Variants in TAF2 observed in about 807,000 individuals in gnomAD.
TAF2 encodes transcription initiation factor TFIID subunit 2.
Under a neutral mutation model 138.5 loss-of-function variants are expected in TAF2, and 61 were observed. The observed-to-expected ratio is 0.44, with a 90% CI of 0.36 to 0.54. TAF2 has a LOEUF of 0.54. Ranked by LOEUF, TAF2 falls within the 20% of genes least tolerant of loss-of-function variation. TAF2 has a pLI of 0.00. For synonymous variants in TAF2, 475 were observed against 469.9 expected (o/e 1.01, Z -0.14); for missense variants, 1,090 against 1,427.9 (o/e 0.76, Z 3.81).
chr8:119,804,373 C>T (rs1467067568), intron 4 of TAF2, among the ~76,000 whole-genome samples: 1 of 152,212 alleles, frequency 6.6e-6, no homozygotes, highest in Non-Finnish European at 1.5e-5. Flanking sequence ...CAACCCCAAA[C>T]TTACTGATAT....
intron 22 of TAF2, among the ~76,000 whole-genome samples, chr8:119,752,951 G>C (rs185731452): frequency 6.6e-6 from 1 of 152,272 alleles, no homozygotes; most frequent in East Asian, 1.9e-4. Flanking sequence ...AAAATGAGGA[G>C]CAGGCAGGGT....
chr8:119,788,992 A>T (rs1430779032), intron 12 of TAF2, 88 bp from the exon 13 acceptor site: 2 of 889,138 alleles, frequency 2.2e-6, no homozygotes, highest in Non-Finnish European at 3.8e-6. Context: ...ATAATTTTCA[A>T]GTGCATTCCC....
intron 10 of TAF2, among the ~76,000 whole-genome samples, chr8:119,792,799 A>G (rs185701953): frequency 6.6e-6 from 1 of 152,252 alleles, no homozygotes; most frequent in Non-Finnish European, 1.5e-5. Context: ...GTGAGGACAC[A>G]TTCTTTCCCG....
chr8:119,742,168 TG>T (rs1341181604), intron 25 of TAF2, among the ~76,000 whole-genome samples: 5 of 152,218 alleles, frequency 3.3e-5, no homozygotes, highest in Admixed American at 6.5e-5. Flanking sequence ...TGGTTTCTAT[TG>T]AAGTTGGCAT....
In TAF2 at chr8:119,760,740, T is replaced by C. The variant is rs763011210; in HGVS notation, c.2559-2A>G. The C allele has an allele frequency of 2.5e-6, 4 of 1,613,774 alleles. No individual in the cohort carries two copies. Among genetic ancestry groups the C allele is most frequent in the Middle Eastern group, 1.7e-4 (1 of 6,056 alleles). On this transcript the variant is annotated splice_acceptor_variant, in intron 19 of 25. Coordinates refer to ENST00000378164, the MANE Select transcript of TAF2 (RefSeq NM_003184.4). LOFTEE classifies it high-confidence loss of function. Reference sequence around the variant, plus strand: ...AGTACCCGTATGGCTCTCAAACAACTAGGGAAAAAAATACGTATGTTAACT... The same window carrying C: ...AGTACCCGTATGGCTCTCAAACAACCAGGGAAAAAAATACGTATGTTAACT...
At chr8:119,744,442 G>T (rs760670690) in intron 23 of TAF2, 49 bp from the exon 24 acceptor site, 4 of 1,509,364 alleles carry the variant, frequency 2.7e-6, no homozygotes, top group Non-Finnish European at 3.7e-6. Flanking sequence ...ATTACATCAT[G>T]TTATGTTTGG....
intron 15 of TAF2, among the ~76,000 whole-genome samples, chr8:119,784,780 A>C (rs1173344076): frequency 6.6e-6 from 1 of 152,212 alleles, no homozygotes; most frequent in Non-Finnish European, 1.5e-5. Context: ...CTAAGGACAA[A>C]GAATCAATAT....
intron 24 of TAF2, 54 bp from the exon 25 acceptor site, chr8:119,742,710 G>T (rs1321737685): frequency 1.3e-6 from 2 of 1,562,162 alleles, no homozygotes; most frequent in Non-Finnish European, 1.7e-6. Context: ...TTTCCCAAAA[G>T]AAAAAAAAAG....
chr8:119,769,119 A>G (rs1490913220), intron 18 of TAF2, among the ~76,000 whole-genome samples: 1 of 152,228 alleles, frequency 6.6e-6, no homozygotes, highest in Non-Finnish European at 1.5e-5. Context: ...CAGTAAACAA[A>G]GATCAAGTAC....
chr8:119,745,827 G>A (rs1819926417), intron 23 of TAF2, among the ~76,000 whole-genome samples: 1 of 147,154 alleles, frequency 6.8e-6, no homozygotes, highest in South Asian at 2.3e-4. Context: ...GTGTGTGTGT[G>A]TGTGTGTGTG....
In TAF2 at chr8:119,731,737, A is replaced by G. The variant is rs528221388; in HGVS notation, c.*187T>C. ...TAGTTTATCCAGAACTACAAAACAC[A>G]TTTTCCTAATTAGATCCCAACTGTA... is the stretch of plus-strand genomic sequence containing the variant. On this transcript the variant is annotated 3_prime_UTR_variant, in exon 26 of 26. Coordinates refer to ENST00000378164, the MANE Select transcript of TAF2 (RefSeq NM_003184.4). The G allele has an allele frequency of 1.6e-6, 1 of 639,526 alleles. No individual in the cohort carries two copies. The highest frequency in any genetic ancestry group is 1.8e-5 in the African/African-American group (1 of 54,616). 39.6% of individuals were successfully genotyped at this position (639,526 alleles called of 1,614,324 possible). A position where few individuals can be genotyped will look rare whatever the true frequency, so the allele number is the denominator to read the frequency against.
rs777079579 is a variant in TAF2, at chr8:119,731,995, C to T, written c.3529G>A (p.Asp1177Asn). The T allele has an allele frequency of 6.2e-7, 1 of 1,614,002 alleles. No homozygotes were observed. The highest frequency in any genetic ancestry group is 1.7e-5 in the Admixed American group (1 of 59,996). ...CTGGAGAAAGTGAAAGGCTCCTTGT[C>T]CTTTTCTTTACTGTCATGCTTATGC... is the stretch of plus-strand genomic sequence containing the variant. ...HKHKHDSKEK[D>N]KEPFTFSSPA... Residue 1177 changes from aspartate to asparagine, a missense_variant, in exon 26 of 26, where the codon GAC (aspartate) becomes AAC (asparagine). By Grantham distance (23) the Asp-to-Asn change is conservative. Around this residue, in one of 3 missense-constraint regions of TAF2, gnomAD observed 580 missense variants for 719.6 expected, o/e 0.81. Transcript: ENST00000378164.
chr8:119,758,066 A>C lies in TAF2; in HGVS notation c.2768+7T>G, dbSNP rs766993736. On this transcript the variant is annotated splice_region_variant and intron_variant, in intron 21 of 25. Transcript: ENST00000378164. Reference sequence around the variant, plus strand: ...AAATATCATAGCATCATAGCACATAAACTAACCTTACATAGGGTACAGGGT... The same window carrying C: ...AAATATCATAGCATCATAGCACATACACTAACCTTACATAGGGTACAGGGT... The C allele has an allele frequency of 4.3e-6, 7 of 1,611,842 alleles. No homozygotes were observed. In the East Asian group the frequency reaches 1.3e-4, roughly 31 times the overall value.
chr8:119,829,869 T>C (rs1826332474), intron 2 of TAF2, among the ~76,000 whole-genome samples: 1 of 150,808 alleles, frequency 6.6e-6, no homozygotes, highest in Non-Finnish European at 1.5e-5. Context: ...AGTTTTTTTT[T>C]TTTTTTTTGA....
At chr8:119,823,732 A>G (rs560008183) in intron 2 of TAF2, among the ~76,000 whole-genome samples, 1 of 152,370 alleles carries the variant, frequency 6.6e-6, no homozygotes, top group Non-Finnish European at 1.5e-5. Flanking sequence ...GAACTAGGTA[A>G]TAGGCAGAGG....
At chr8:119,799,869 T>C (rs1223471529) in intron 6 of TAF2, among the ~76,000 whole-genome samples, 1 of 152,150 alleles carries the variant, frequency 6.6e-6, no homozygotes, top group Non-Finnish European at 1.5e-5. Flanking sequence ...TGGTATCTCA[T>C]TGTGGTTTTG....
Position 119,760,592 on chromosome 8 carries a change from G to A in TAF2, c.2698+7C>T, listed in dbSNP as rs1586347663. 2 of 1,612,258 alleles carry A rather than the reference G, an allele frequency of 1.2e-6. No individual in the cohort carries two copies. Among genetic ancestry groups the A allele is most frequent in the Non-Finnish European group, 1.7e-6 (2 of 1,179,846 alleles). On this transcript the variant is annotated splice_region_variant and intron_variant, in intron 20 of 25. Coordinates refer to ENST00000378164, the MANE Select transcript of TAF2 (RefSeq NM_003184.4). ...AATGATATGAGCACGTATTTCTAAA[G>A]TATTACCTTTAGTATAATCAACAAC...
chr8:119,772,390 C>A (rs1399554443), intron 18 of TAF2, among the ~76,000 whole-genome samples: 1 of 152,040 alleles, frequency 6.6e-6, no homozygotes, highest in African/African-American at 2.4e-5. Flanking sequence ...TAAGTGGGAA[C>A]TAAACAATGG....
chr8:119,759,059 C>G (rs994999889), intron 20 of TAF2, among the ~76,000 whole-genome samples: 4 of 152,048 alleles, frequency 2.6e-5, no homozygotes, highest in Non-Finnish European at 5.9e-5. Context: ...ATCCATACAT[C>G]TTGGGAAAGA....
Sources: allele counts gnomAD v4.1 joint callset (sites outside exome capture counted in the v4.1 genomes callset), GRCh38; gene constraint gnomAD v4.1.1; regional missense constraint gnomAD v4.1.1; transcripts MANE v1.5; gene names NCBI Gene and HGNC (gene_info 2026-07-23, HGNC 2026-07-21).